Variants in SGCD observed in about 807,000 individuals in gnomAD.
The protein encoded by SGCD is sarcoglycan delta, also known as delta-sarcoglycan.
SGCD carries 18 observed loss-of-function variants against 36.6 expected under a neutral mutation model. That is an observed-to-expected ratio of 0.49 (90% CI 0.34 to 0.73). SGCD has a LOEUF of 0.73. Ranked by LOEUF, SGCD falls within the 30% of genes least tolerant of loss-of-function variation. The pLI, the probability that SGCD is intolerant of heterozygous loss-of-function variation, is 0.01. For missense variants in SGCD, 387 were observed against 346.7 expected (o/e 1.12, Z -0.92); for synonymous variants, 133 against 130.6 (o/e 1.02, Z -0.12).
chr5:155,924,714 G>A (rs747364798), intron 1 of SGCD, among the ~76,000 whole-genome samples: 13 of 152,176 alleles, frequency 8.5e-5, no homozygotes, highest in Non-Finnish European at 1.5e-4. Context: ...TAGGTAAAAG[G>A]AGGAGACTGA....
At chr5:156,704,846 T>C (rs1389563181) in intron 7 of SGCD, among the ~76,000 whole-genome samples, 2 of 151,938 alleles carry the variant, frequency 1.3e-5, no homozygotes, top group African/African-American at 4.8e-5. Flanking sequence ...AGGATGCCTA[T>C]GTGGTTATGC....
chr5:156,539,111 A>G (rs895171768), intron 4 of SGCD, among the ~76,000 whole-genome samples: 10 of 151,982 alleles, frequency 6.6e-5, no homozygotes, highest in Admixed American at 2.0e-4. Flanking sequence ...GCTGATATCT[A>G]TGTCTAAGGT....
intron 1 of SGCD, among the ~76,000 whole-genome samples, chr5:156,111,168 C>A (rs1414440285): frequency 6.6e-6 from 1 of 152,118 alleles, no homozygotes; most frequent in Non-Finnish European, 1.5e-5. Flanking sequence ...TTTCATACTT[C>A]TTTTGGAGAG....
At chr5:155,952,452 CT>C (rs1162286086) in intron 1 of SGCD, among the ~76,000 whole-genome samples, 1 of 152,012 alleles carries the variant, frequency 6.6e-6, no homozygotes, top group Non-Finnish European at 1.5e-5. Context: ...TCATTTCCTC[CT>C]AGCTCTTCCT....
At chr5:156,181,363 A>G (rs553167918) in intron 3 of SGCD, among the ~76,000 whole-genome samples, 14 of 152,326 alleles carry the variant, frequency 9.2e-5, no homozygotes, top group African/African-American at 2.6e-4. Context: ...GGACTAAAAA[A>G]CTTGCTATCA....
chr5:156,550,125 G>C (rs1315479230), intron 4 of SGCD, among the ~76,000 whole-genome samples: 1 of 152,130 alleles, frequency 6.6e-6, no homozygotes, highest in Non-Finnish European at 1.5e-5. Context: ...TTTAAAACCA[G>C]GAAACTCTTT....
chr5:156,061,116 T>C (rs1760194642), intron 1 of SGCD, among the ~76,000 whole-genome samples: 1 of 145,982 alleles, frequency 6.9e-6, no homozygotes, highest in Admixed American at 6.9e-5. Context: ...AGCACTAGTC[T>C]CACAGAGACG....
chr5:155,889,762 T>C (rs1443024074), intron 1 of SGCD, among the ~76,000 whole-genome samples: 1 of 152,150 alleles, frequency 6.6e-6, no homozygotes, highest in Non-Finnish European at 1.5e-5. Flanking sequence ...GTGAGTAAGA[T>C]CATATCACAG....
chr5:155,970,676 G>A (rs74370423), intron 1 of SGCD, among the ~76,000 whole-genome samples: 2,372 of 152,236 alleles, frequency 0.016, 64 homozygotes, highest in African/African-American at 0.053. Flanking sequence ...GTGATATTAG[G>A]ATGTGACTAT....
At chr5:155,889,126 C>T (rs1302116967) in intron 1 of SGCD, among the ~76,000 whole-genome samples, 1 of 152,152 alleles carries the variant, frequency 6.6e-6, no homozygotes, top group Non-Finnish European at 1.5e-5. Context: ...TCTTGGAGAG[C>T]AAAGAGCATA....
intron 3 of SGCD, among the ~76,000 whole-genome samples, chr5:156,378,111 CA>C (rs1159860177): frequency 6.6e-6 from 1 of 152,114 alleles, no homozygotes; most frequent in African/African-American, 2.4e-5. Context: ...CATCCATTGA[CA>C]GATGAATGGA....
Position 156,595,069 on chromosome 5 carries a change from A to C in SGCD, c.502+18A>C. The C allele has an allele frequency of 3.7e-6, 6 of 1,602,610 alleles. No homozygotes were observed. In the South Asian group the frequency reaches 6.7e-5, roughly 18 times the overall value. ...AGTTTTAGGTAAGGAAACTTGAATC[A>C]TTTAACTTGTTTGATGCTACTGTGT... On this transcript the variant is annotated intron_variant, in intron 6 of 8. Coordinates refer to ENST00000337851, the MANE Select transcript of SGCD (RefSeq NM_000337.6).
At chr5:155,753,628 G>A in the SGCD span, among the ~76,000 whole-genome samples, 4 of 152,246 alleles carry the variant, frequency 2.6e-5, no homozygotes, top group African/African-American at 7.2e-5. Context: ...CCAGGAGTGG[G>A]GAGCTGACAA....
intron 1 of SGCD, among the ~76,000 whole-genome samples, chr5:155,966,209 C>T (rs186008696): frequency 1.5e-4 from 23 of 152,232 alleles, no homozygotes; most frequent in Admixed American, 9.8e-4. Flanking sequence ...GCCCAGTCAA[C>T]GTGAGACCAC....
intron 3 of SGCD, among the ~76,000 whole-genome samples, chr5:156,174,620 A>C (rs1303394016): frequency 6.6e-6 from 1 of 152,114 alleles, no homozygotes; most frequent in Non-Finnish European, 1.5e-5. Context: ...TTCAAGAATT[A>C]TTTTCTATTA....
At chr5:155,781,936 G>T in the SGCD span, among the ~76,000 whole-genome samples, 1 of 151,896 alleles carries the variant, frequency 6.6e-6, no homozygotes, top group African/African-American at 2.4e-5. Flanking sequence ...TGAAACAGGG[G>T]TCTTATGGAG....
intron 1 of SGCD, among the ~76,000 whole-genome samples, chr5:155,968,392 G>A (rs555945659): frequency 5.9e-5 from 9 of 152,112 alleles, no homozygotes; most frequent in South Asian, 2.1e-4. Context: ...GTCATCTCCC[G>A]TTATCTGAAG....
At chr5:156,700,942 C>A (rs1471821328) in intron 7 of SGCD, among the ~76,000 whole-genome samples, 264 of 128,336 alleles carry the variant, frequency 2.1e-3, no homozygotes, top group Middle Eastern at 4.0e-3. Flanking sequence ...GACCTTGTCT[C>A]AAAAAAAAAA....
intron 3 of SGCD, among the ~76,000 whole-genome samples, chr5:156,223,118 G>A (rs1322297755): frequency 1.3e-5 from 2 of 152,110 alleles, no homozygotes; most frequent in African/African-American, 2.4e-5. Context: ...TTGGCAGTGG[G>A]TGGTCTTTTT....
Sources: allele counts gnomAD v4.1 joint callset (sites outside exome capture counted in the v4.1 genomes callset), GRCh38; gene constraint gnomAD v4.1.1; transcripts MANE v1.5; gene names NCBI Gene and HGNC (gene_info 2026-07-23, HGNC 2026-07-21).